The following DIPK1A variants were observed in gnomAD, a reference collection of about 807,000 sequenced individuals.
DIPK1A encodes divergent protein kinase domain 1A.
A neutral mutation model predicts 40.8 loss-of-function variants in DIPK1A; 27 were observed. That is an observed-to-expected ratio of 0.66 (90% CI 0.49 to 0.91). The LOEUF is 0.91. DIPK1A is among the 40% of genes least tolerant of loss of function. The probability of loss-of-function intolerance (pLI) is 0.00; values close to 1 mark genes in which losing one functional copy is unlikely to be tolerated. For missense variants in DIPK1A, 412 were observed against 505.7 expected, an observed-to-expected ratio of 0.81 and a Z score of 1.78; for synonymous variants, 166 against 171.3, an observed-to-expected ratio of 0.97 and a Z score of 0.24.
intron 1 of DIPK1A, among the ~76,000 whole-genome samples, chr1:92,946,676 GC>G (rs1651375118): frequency 6.6e-6 from 1 of 152,192 alleles, no homozygotes; most frequent in African/African-American, 2.4e-5. Context: ...GGGCCCGATG[GC>G]TCATGCCTGT....
At chr1:92,918,179 T>C (rs1294484595) in intron 1 of DIPK1A, among the ~76,000 whole-genome samples, 1 of 152,120 alleles carries the variant, frequency 6.6e-6, no homozygotes, top group African/African-American at 2.4e-5. Context: ...AGACAGAGTC[T>C]CACTCTGTCG....
intron 2 of DIPK1A, among the ~76,000 whole-genome samples, chr1:92,857,320 G>GTT (rs765568724): frequency 1.8e-4 from 25 of 135,330 alleles, no homozygotes; most frequent in East Asian, 2.1e-4. Context: ...TTGTCATATT[G>GTT]TTTTTTTTTT....
At chr1:92,895,947 G>A (rs1649144734) in intron 1 of DIPK1A, among the ~76,000 whole-genome samples, 1 of 152,072 alleles carries the variant, frequency 6.6e-6, no homozygotes. Flanking sequence ...CAGCTTACAA[G>A]GGATGTGAAG....
intron 1 of DIPK1A, among the ~76,000 whole-genome samples, chr1:92,953,275 T>A (rs1207514156): frequency 1.4e-5 from 2 of 147,230 alleles, no homozygotes. Context: ...CAGACGGGGA[T>A]GTGGAAAAAT....
chr1:92,887,332 G>A (rs1648656460), intron 1 of DIPK1A, among the ~76,000 whole-genome samples: 1 of 151,636 alleles, frequency 6.6e-6, no homozygotes, highest in Non-Finnish European at 1.5e-5. Flanking sequence ...AGGCTGAGGT[G>A]AGAGTATTGA....
rs1295200612 is a variant in DIPK1A, at chr1:92,844,049, C to G, written c.621G>C (p.Val207=). The change falls in exon 5 of 5, where the codon GTG becomes GTC. Residue 207 remains valine, a synonymous_variant. Transcript: ENST00000370310. The part of the protein sequence containing the change: ...LLQLNEFLLM[V]ILQDKEHTPK... Reference sequence around the variant, plus strand: ...GGGTATGTTCTTTATCTTGAAGTATCACCATGAGAAGAAATTCATTCAGTT... The same window carrying G: ...GGGTATGTTCTTTATCTTGAAGTATGACCATGAGAAGAAATTCATTCAGTT... The G allele has an allele frequency of 1.3e-6, 2 of 1,552,072 alleles. No homozygotes were observed. The highest frequency in any genetic ancestry group is 1.7e-6 in the Non-Finnish European group (2 of 1,147,068).
chr1:92,893,376 C>T (rs930470367), intron 1 of DIPK1A, among the ~76,000 whole-genome samples: 1 of 151,690 alleles, frequency 6.6e-6, no homozygotes, highest in African/African-American at 2.4e-5. Flanking sequence ...GAATTTTCAA[C>T]CCAGAATTTC....
At chr1:92,914,195 A>G (rs1649951464) in intron 1 of DIPK1A, among the ~76,000 whole-genome samples, 1 of 151,384 alleles carries the variant, frequency 6.6e-6, no homozygotes, top group South Asian at 2.1e-4. Context: ...ATACTAGATT[A>G]TCAGTAGACA....
At chr1:92,960,407 A>C (rs1039370971) in intron 1 of DIPK1A, among the ~76,000 whole-genome samples, 1 of 152,162 alleles carries the variant, frequency 6.6e-6, no homozygotes, top group Non-Finnish European at 1.5e-5. Context: ...TAAGCGGTAA[A>C]GGAATACTGT....
At chr1:92,857,555 C>T (rs1688027972) in intron 2 of DIPK1A, among the ~76,000 whole-genome samples, 1 of 152,122 alleles carries the variant, frequency 6.6e-6, no homozygotes, top group African/African-American at 2.4e-5. Context: ...CTCCTGACCT[C>T]AGGCGATCTG....
chr1:92,845,531 C>T (rs753139672), intron 4 of DIPK1A: 6 of 304,444 alleles, frequency 2.0e-5, no homozygotes, highest in South Asian at 4.6e-5. Context: ...AAAAAAAAAC[C>T]GTCTCTGCTG....
chr1:92,927,790 C>T (rs933550476), intron 1 of DIPK1A, among the ~76,000 whole-genome samples: 5 of 152,298 alleles, frequency 3.3e-5, no homozygotes, highest in Admixed American at 2.0e-4. Flanking sequence ...ATCAGTACTT[C>T]GTTTCTTTTT....
chr1:92,929,094 T>C (rs1278907568), intron 1 of DIPK1A, among the ~76,000 whole-genome samples: 1 of 152,260 alleles, frequency 6.6e-6, no homozygotes, highest in African/African-American at 2.4e-5. Flanking sequence ...CATCTTTGAC[T>C]TCGAATATGA....
intron 2 of DIPK1A, among the ~76,000 whole-genome samples, chr1:92,857,559 C>A (rs1433445146): frequency 6.6e-6 from 1 of 151,984 alleles, no homozygotes; most frequent in African/African-American, 2.4e-5. Flanking sequence ...TGACCTCAGG[C>A]GATCTGCCTG....
rs1035406317 is a variant in DIPK1A at position 92,877,078 on chromosome 1, T to C, written c.55-648A>G. ...AAATGACTGGAGAAGGGTTAAGATATATTAAAAATAAGTTACTCTTTGCAT... is the reference window on the plus strand; with the variant it reads ...AAATGACTGGAGAAGGGTTAAGATACATTAAAAATAAGTTACTCTTTGCAT... On this transcript the variant is annotated intron_variant, in intron 1 of 4. Coordinates refer to ENST00000370310, the MANE Select transcript of DIPK1A (RefSeq NM_001006605.5). 4.1e-6 allele frequency: 4 copies of C among 985,066 alleles called. No homozygotes were observed. The East Asian group carries it at 3.4e-4, about 84-fold the overall frequency. 61.0% of individuals were successfully genotyped at this position (985,066 alleles called of 1,614,324 possible).
intron 1 of DIPK1A, among the ~76,000 whole-genome samples, chr1:92,885,705 G>C (rs541135374): frequency 1.3e-5 from 2 of 152,186 alleles, no homozygotes; most frequent in Admixed American, 6.5e-5. Flanking sequence ...TACTTAGTTT[G>C]TTAAGCAATT....
chr1:92,918,052 A>T (rs1287878932), intron 1 of DIPK1A, among the ~76,000 whole-genome samples: 1 of 152,250 alleles, frequency 6.6e-6, no homozygotes, highest in Non-Finnish European at 1.5e-5. Context: ...TTAGTAGAGA[A>T]TAAGAAAATA....
At chr1:92,870,914 C>A (rs1647810688) in intron 2 of DIPK1A, among the ~76,000 whole-genome samples, 1 of 152,138 alleles carries the variant, frequency 6.6e-6, no homozygotes. Flanking sequence ...CCTTTAAGGC[C>A]TTTGTTACTA....
intron 1 of DIPK1A, among the ~76,000 whole-genome samples, chr1:92,877,684 G>A (rs1648188529): frequency 1.3e-5 from 2 of 152,144 alleles, no homozygotes; most frequent in African/African-American, 2.4e-5. Context: ...ATGAAAAAGT[G>A]CCTTAATGCA....
Sources: allele counts gnomAD v4.1 joint callset (sites outside exome capture counted in the v4.1 genomes callset), GRCh38; gene constraint gnomAD v4.1.1; transcripts MANE v1.5; gene names NCBI Gene and HGNC (gene_info 2026-07-23, HGNC 2026-07-21).